The following AGMO variants were observed in gnomAD, a reference collection of about 807,000 sequenced individuals.
AGMO encodes glyceryl-ether monooxygenase.
AGMO carries 75 observed loss-of-function variants against 60.2 expected under a neutral mutation model. That is an observed-to-expected ratio of 1.25 (90% CI 1.03 to 1.51). AGMO has a LOEUF of 1.51. Among genes scored for constraint, AGMO ranks in the 40% most tolerant of loss-of-function variants. The probability of loss-of-function intolerance (pLI) is 0.00; values close to 1 mark genes in which losing one functional copy is unlikely to be tolerated. For synonymous variants in AGMO, 261 were observed against 177.1 expected (o/e 1.47, Z -3.76); for missense variants, 763 against 525.5 (o/e 1.45, Z -4.42).
intron 10 of AGMO, among the ~76,000 whole-genome samples, chr7:15,370,754 G>T (rs1783177414): frequency 6.6e-6 from 1 of 151,884 alleles, no homozygotes; most frequent in Admixed American, 6.6e-5. Flanking sequence ...TTTTCTTGTT[G>T]ATCTGGTTAA....
chr7:15,132,652 T>A, the AGMO span, among the ~76,000 whole-genome samples: 1 of 152,116 alleles, frequency 6.6e-6, no homozygotes, highest in East Asian at 1.9e-4. Context: ...GTGACATCAA[T>A]TTAAAAATCT....
chr7:15,309,741 C>A (rs903601569), intron 12 of AGMO, among the ~76,000 whole-genome samples: 2 of 152,068 alleles, frequency 1.3e-5, no homozygotes, highest in South Asian at 2.1e-4. Context: ...TATTCCTCAT[C>A]ATTTTAGAGA....
the AGMO span, among the ~76,000 whole-genome samples, chr7:15,171,376 G>A: frequency 2.0e-5 from 3 of 152,138 alleles, no homozygotes; most frequent in Non-Finnish European, 4.4e-5. Flanking sequence ...ACTTATCACT[G>A]TTGATGTTGA....
At chr7:15,353,506 A>G (rs1477820453) in intron 12 of AGMO, among the ~76,000 whole-genome samples, 1 of 152,224 alleles carries the variant, frequency 6.6e-6, no homozygotes, top group Non-Finnish European at 1.5e-5. Flanking sequence ...GACCAAAGTA[A>G]AACAAGCACA....
chr7:15,230,020 A>C lies in AGMO; in HGVS notation c.1264-28661T>G, dbSNP rs551943421. 4.6e-5 allele frequency among the ~76,000 whole-genome samples: 7 copies of C among 151,890 alleles called. No individual in the cohort carries two copies. In the South Asian group the frequency reaches 1.5e-3, roughly 31 times the overall value. ...ACAAAATTAAAATTATAATTTATAC[A>C]ATTTACATTAATTTCTTATTTTAAA... On this transcript the variant is annotated intron_variant, in intron 12 of 12. Transcript: ENST00000342526.
chr7:15,391,678 T>G (rs2128485556), intron 6 of AGMO, among the ~76,000 whole-genome samples: 1 of 152,222 alleles, frequency 6.6e-6, no homozygotes, highest in Non-Finnish European at 1.5e-5. Context: ...AAGAAAAATC[T>G]CCCATAGTAT....
rs145345484 is a variant in AGMO, at chr7:15,378,532, C to A, written c.1074+6914G>T. Among the ~76,000 whole-genome samples the A allele has an allele frequency of 1.7e-3, 259 of 151,976 alleles. 6 individuals are homozygous for A. In the East Asian group the frequency reaches 0.048, roughly 28 times the overall value. The stretch of plus-strand genomic sequence containing the variant: ...TATGTATGCACCCAACACAGGAGCA[C>A]CCAGATTTATTAAGCAAGTTCTTAG... On this transcript the variant is annotated intron_variant, in intron 10 of 12. Coordinates refer to ENST00000342526, the MANE Select transcript of AGMO (RefSeq NM_001004320.2).
At chr7:15,174,921 ATTCTT>A in the AGMO span, among the ~76,000 whole-genome samples, 9 of 152,072 alleles carry the variant, frequency 5.9e-5, no homozygotes, top group East Asian at 1.5e-3. Context: ...GCCAAACTTA[ATTCTT>A]TTCTTTTATT....
the AGMO span, among the ~76,000 whole-genome samples, chr7:15,145,816 T>G: frequency 6.6e-6 from 1 of 152,140 alleles, no homozygotes; most frequent in Non-Finnish European, 1.5e-5. Flanking sequence ...TTGAATAATA[T>G]AACCTGTATC....
At chr7:15,511,971 T>C (rs1456427298) in intron 3 of AGMO, among the ~76,000 whole-genome samples, 1 of 146,312 alleles carries the variant, frequency 6.8e-6, no homozygotes, top group Non-Finnish European at 1.5e-5. Context: ...TCCAGAATCA[T>C]GGGGAAATAC....
At chr7:15,335,468 C>T (rs1781628942) in intron 12 of AGMO, among the ~76,000 whole-genome samples, 1 of 152,188 alleles carries the variant, frequency 6.6e-6, no homozygotes, top group Non-Finnish European at 1.5e-5. Flanking sequence ...GAAAGGTCGA[C>T]AACTTTTTTA....
intron 3 of AGMO, among the ~76,000 whole-genome samples, chr7:15,493,795 A>G (rs1298082978): frequency 3.3e-5 from 5 of 152,214 alleles, no homozygotes; most frequent in Non-Finnish European, 7.3e-5. Flanking sequence ...TCCCAGTACA[A>G]TCTTCAAAAT....
intron 3 of AGMO, among the ~76,000 whole-genome samples, chr7:15,524,135 A>T (rs1279550578): frequency 2.0e-5 from 3 of 152,048 alleles, no homozygotes; most frequent in African/African-American, 7.2e-5. Context: ...ATGTTAGACA[A>T]TAGAAGTATA....
chr7:15,201,072 A>G lies in AGMO; in HGVS notation c.*213T>C. The G allele has an allele frequency of 2.7e-6, 1 of 374,476 alleles. No homozygotes were observed. The highest frequency in any genetic ancestry group is 4.4e-5 in the Admixed American group (1 of 22,580). 23.2% of individuals were successfully genotyped at this position (374,476 alleles called of 1,614,324 possible). A position where few individuals can be genotyped will look rare whatever the true frequency, so the allele number is the denominator to read the frequency against. On this transcript the variant is annotated 3_prime_UTR_variant, in exon 13 of 13. Coordinates refer to ENST00000342526, the MANE Select transcript of AGMO (RefSeq NM_001004320.2). Reference sequence around the variant, plus strand: ...TCATTATATTTGAAATCTTTTTTTAATTGTAGTAAAGGGGGGAAGTAACCA... The same window carrying G: ...TCATTATATTTGAAATCTTTTTTTAGTTGTAGTAAAGGGGGGAAGTAACCA...
intron 12 of AGMO, among the ~76,000 whole-genome samples, chr7:15,330,591 T>C (rs1029497758): frequency 2.0e-5 from 3 of 152,130 alleles, no homozygotes; most frequent in African/African-American, 7.2e-5. Context: ...TTTGAGCGAT[T>C]TGAGTATCTA....
chr7:15,377,307 A>G (rs2032970932), intron 10 of AGMO, among the ~76,000 whole-genome samples: 1 of 151,966 alleles, frequency 6.6e-6, no homozygotes, highest in African/African-American at 2.4e-5. Flanking sequence ...GCTGTCTCCA[A>G]CTCTACTTTC....
intron 3 of AGMO, among the ~76,000 whole-genome samples, chr7:15,499,932 C>CACACATAT (rs146144087): frequency 0.48 from 65,663 of 137,912 alleles, 17,086 homozygotes; most frequent in East Asian, 0.78. Flanking sequence ...CACACACACA[C>CACACATAT]ATATATATAT....
At chr7:15,311,498 T>C (rs1368129915) in intron 12 of AGMO, among the ~76,000 whole-genome samples, 1 of 151,956 alleles carries the variant, frequency 6.6e-6, no homozygotes, top group African/African-American at 2.4e-5. Context: ...AAAAAAAAAT[T>C]TCAAGAAGCT....
At chr7:15,550,278 C>T (rs1380169543) in intron 2 of AGMO, among the ~76,000 whole-genome samples, 2 of 151,670 alleles carry the variant, frequency 1.3e-5, no homozygotes, top group African/African-American at 2.4e-5. Flanking sequence ...AGAGCAAACA[C>T]ATTCAAAAGC....
Sources: gnomAD v4.1 joint callset for allele counts (sites outside exome capture counted in the v4.1 genomes callset) on GRCh38, gnomAD v4.1.1 for gene constraint, MANE v1.5 for transcripts, NCBI Gene and HGNC (gene_info 2026-07-23, HGNC 2026-07-21) for gene names.